The following LYPD8 variants were observed in gnomAD, a reference collection of about 807,000 sequenced individuals.
The protein encoded by LYPD8 is LY6/PLAUR domain containing 8.
In LYPD8, 8 loss-of-function variants were observed where a neutral mutation model predicts 1.7. That is an observed-to-expected ratio of 4.58 (90% CI 2.69 to 8.27). The LOEUF (loss-of-function observed/expected upper bound fraction) is 8.27, where lower values mean the gene tolerates loss of function less well. Ranked by LOEUF, LYPD8 falls within the 30% of genes most tolerant of loss-of-function variation. The pLI, the probability that LYPD8 is intolerant of heterozygous loss-of-function variation, is 0.00. For synonymous variants in LYPD8, 50 were observed against 43.6 expected, an observed-to-expected ratio of 1.15 and a Z score of -0.58; for missense variants, 112 against 102.3, an observed-to-expected ratio of 1.09 and a Z score of -0.41.
At chr1:248,753,558 A>C (rs1662870477) in intron 2 of LYPD8, among the ~76,000 whole-genome samples, 21 of 101,150 alleles carry the variant, frequency 2.1e-4, no homozygotes, top group African/African-American at 8.7e-4. Flanking sequence ...AAAACACATC[A>C]CACACACAAC....
intron 5 of LYPD8, among the ~76,000 whole-genome samples, chr1:248,746,584 C>T (rs915638751): frequency 7.4e-4 from 112 of 150,372 alleles, no homozygotes; most frequent in Middle Eastern, 3.4e-3. Flanking sequence ...CCCAGGGCAT[C>T]GCCCGCACGG....
At chr1:248,746,235 C>A (rs1183933527) in intron 5 of LYPD8, among the ~76,000 whole-genome samples, 1 of 152,154 alleles carries the variant, frequency 6.6e-6, no homozygotes, top group Non-Finnish European at 1.5e-5. Context: ...AACGAAAGTT[C>A]TTTGGGGTCC....
chr1:248,751,341 C>T (rs1008281397), intron 2 of LYPD8, among the ~76,000 whole-genome samples: 1 of 152,212 alleles, frequency 6.6e-6, no homozygotes, highest in Non-Finnish European at 1.5e-5. Context: ...AGCATCTACA[C>T]GCAGATATGA....
intron 4 of LYPD8, 146 bp from the exon 5 acceptor site, chr1:248,748,599 C>G (rs1158695953): frequency 1.8e-5 from 7 of 394,404 alleles, no homozygotes; most frequent in African/African-American, 1.0e-4. Flanking sequence ...AGAGGGTTTT[C>G]CGGAAAAAAT....
At chr1:248,749,203 A>C (rs1460061511) in intron 4 of LYPD8, among the ~76,000 whole-genome samples, 1 of 152,234 alleles carries the variant, frequency 6.6e-6, no homozygotes, top group African/African-American at 2.4e-5. Flanking sequence ...TGAACAAAAA[A>C]TGATGGAAGC....
At chr1:248,744,137 G>C (rs1662678536) in intron 6 of LYPD8, among the ~76,000 whole-genome samples, 1 of 152,206 alleles carries the variant, frequency 6.6e-6, no homozygotes, top group African/African-American at 2.4e-5. Flanking sequence ...GAGAACTACT[G>C]ATGGCCACTA....
Position 248,748,479 on chromosome 1 carries a change from CAGCCCCTGGTA to C in LYPD8, c.173-37_173-27del, listed in dbSNP as rs1356157918. The C allele has an allele frequency of 2.0e-5, 8 of 400,834 alleles. No individual in the cohort carries two copies. In the Admixed American group the frequency reaches 3.5e-4, roughly 18 times the overall value. The allele number at this position is 400,834 out of a possible 1,614,324, so 24.8% of individuals were successfully genotyped here. Reference sequence around the variant, plus strand: ...CTACACAAAGACAAACACAGACTGTCAGCCCCTGGTAAGGAGGAGGTGTGGGGAGGGTGGAG... The same window carrying C: ...CTACACAAAGACAAACACAGACTGTCAGGAGGAGGTGTGGGGAGGGTGGAG... On this transcript the variant is annotated intron_variant, in intron 4 of 6. Transcript: ENST00000590317.
chr1:248,744,603 G>A (rs113795584), intron 6 of LYPD8, among the ~76,000 whole-genome samples: 8 of 116,026 alleles, frequency 6.9e-5, no homozygotes, highest in South Asian at 6.9e-4. Flanking sequence ...AATGGGTAGC[G>A]TCAAATGTGG....
intron 4 of LYPD8, among the ~76,000 whole-genome samples, chr1:248,749,209 G>A (rs1350308899): frequency 6.6e-6 from 1 of 152,182 alleles, no homozygotes; most frequent in Non-Finnish European, 1.5e-5. Context: ...AAAAATGATG[G>A]AAGCTGTTAT....
At chr1:248,740,980 G>A (rs1662586099) in intron 6 of LYPD8, among the ~76,000 whole-genome samples, 1 of 152,206 alleles carries the variant, frequency 6.6e-6, no homozygotes, top group Admixed American at 6.5e-5. Context: ...TCCAGGGGTG[G>A]TGGCACATGC....
rs896465472 is a variant in LYPD8, at chr1:248,754,288, C to T, written c.-50+951G>A. Among the ~76,000 whole-genome samples, 1,020 of 151,588 alleles carry T rather than the reference C, an allele frequency of 6.7e-3. 9 individuals carry two copies. The highest frequency in any genetic ancestry group is 7.8e-3 in the Non-Finnish European group (531 of 67,820). Reference sequence around the variant, plus strand: ...CACATCACACACACAACACACCATGCGCTAAATACATCACACATACTACAC... The same window carrying T: ...CACATCACACACACAACACACCATGTGCTAAATACATCACACATACTACAC... On this transcript the variant is annotated intron_variant, in intron 2 of 6. Coordinates refer to ENST00000590317, the MANE Select transcript of LYPD8 (RefSeq NM_001085474.2).
intron 4 of LYPD8, among the ~76,000 whole-genome samples, chr1:248,748,770 T>C (rs1185966730): frequency 2.0e-5 from 3 of 152,104 alleles, no homozygotes; most frequent in Admixed American, 6.5e-5. Context: ...GTAAAAATGA[T>C]CAAACAGACA....
At chr1:248,752,848 CACACCACACCACA>C (rs1662835433) in intron 2 of LYPD8, among the ~76,000 whole-genome samples, 1 of 120,878 alleles carries the variant, frequency 8.3e-6, no homozygotes, top group African/African-American at 3.4e-5. Flanking sequence ...CCCACACACA[CACACCACACCACA>C]CACACACCAC....
intron 5 of LYPD8, among the ~76,000 whole-genome samples, chr1:248,746,184 A>T (rs1397696971): frequency 6.6e-6 from 1 of 152,248 alleles, no homozygotes; most frequent in Non-Finnish European, 1.5e-5. Context: ...TATTAGCTTT[A>T]ATTTCTAAGA....
intron 4 of LYPD8, among the ~76,000 whole-genome samples, chr1:248,749,184 C>T (rs1662757354): frequency 6.6e-6 from 1 of 152,074 alleles, no homozygotes; most frequent in East Asian, 1.9e-4. Context: ...TCTAACAAAC[C>T]AATAGGATTG....
At chr1:248,753,094 ACACAC>A (rs1248406169) in intron 2 of LYPD8, among the ~76,000 whole-genome samples, 6,891 of 114,820 alleles carry the variant, frequency 0.06, 375 homozygotes, top group East Asian at 0.18. Flanking sequence ...CACACTACAC[ACACAC>A]CACACACCAC....
In LYPD8 at chr1:248,739,766, T is replaced by C. The variant is rs924194748; in HGVS notation, c.559A>G (p.Thr187Ala). ...TTTCGAAAGATGACTCCTCCAAGAG[T>C]CTTGTTTTCACCAGACAGGAACTGA... ...TCQFLSGENKTLGGVIFRKFE... is the reference protein window; with the variant it reads ...TCQFLSGENKALGGVIFRKFE... Residue 187 changes from threonine (T) to alanine (A), a missense_variant, in exon 7 of 7, where the codon ACT becomes GCT. Transcript: ENST00000590317. The surrounding 1 kb of genome is among the most constrained non-coding windows in gnomAD (Gnocchi z 4.3). 7.7e-6 allele frequency: 12 copies of C among 1,551,554 alleles called. No individual in the cohort carries two copies. The East Asian group carries it at 2.9e-4, about 38-fold the overall frequency.
chr1:248,748,714 G>A (rs1454613086), intron 4 of LYPD8, among the ~76,000 whole-genome samples: 4 of 152,184 alleles, frequency 2.6e-5, no homozygotes, highest in Non-Finnish European at 4.4e-5. Context: ...GAAAATGGTT[G>A]GTCCAAGTGG....
chr1:248,752,469 C>G (rs1395207274), intron 2 of LYPD8, among the ~76,000 whole-genome samples: 3 of 151,182 alleles, frequency 2.0e-5, no homozygotes, highest in Non-Finnish European at 4.4e-5. Context: ...CCCCTACTCC[C>G]ACCTCACCAC....
Sources: allele counts gnomAD v4.1 joint callset (sites outside exome capture counted in the v4.1 genomes callset), GRCh38; gene constraint gnomAD v4.1.1; non-coding constraint Gnocchi (gnomAD v3.1); transcripts MANE v1.5; gene names NCBI Gene and HGNC (gene_info 2026-07-23, HGNC 2026-07-21).